Variants in BCL11A observed in about 807,000 individuals in gnomAD.
The protein encoded by BCL11A is B cell CLL/lymphoma 11A.
In BCL11A, 2 loss-of-function variants were observed where a neutral mutation model predicts 55.9. The observed-to-expected ratio is 0.04, with a 90% CI of 0.01 to 0.11. The LOEUF is 0.11. Among genes scored for constraint, BCL11A ranks in the 10% least tolerant of loss-of-function variants. The probability of loss-of-function intolerance (pLI) is 1.00; values close to 1 mark genes in which losing one functional copy is unlikely to be tolerated. For missense variants in BCL11A, 817 were observed against 1,137.1 expected (o/e 0.72, Z 4.05); for synonymous variants, 465 against 473.4 (o/e 0.98, Z 0.23).
intron 2 of BCL11A, among the ~76,000 whole-genome samples, chr2:60,518,120 TG>T (rs1668816266): frequency 6.6e-6 from 1 of 152,232 alleles, no homozygotes; most frequent in South Asian, 2.1e-4. Context: ...AGCAAAACCC[TG>T]TCTCTACAAA....
At chr2:60,539,055 A>T (rs1436300897) in intron 2 of BCL11A, among the ~76,000 whole-genome samples, 1 of 152,176 alleles carries the variant, frequency 6.6e-6, no homozygotes, top group African/African-American at 2.4e-5. Flanking sequence ...TTCGCTATAG[A>T]TCAAAGGAGA....
intron 2 of BCL11A, among the ~76,000 whole-genome samples, chr2:60,489,848 G>A (rs71526489): frequency 7.2e-5 from 11 of 152,168 alleles, no homozygotes; most frequent in Non-Finnish European, 1.3e-4. Context: ...CTATTAAAGA[G>A]AGATCACAGG....
At chr2:60,516,688 T>G (rs1186198194) in intron 2 of BCL11A, among the ~76,000 whole-genome samples, 2 of 152,168 alleles carry the variant, frequency 1.3e-5, no homozygotes. Flanking sequence ...TTAACTGCCC[T>G]CAAAGATGGC....
chr2:60,469,637 G>T (rs558607000), intron 2 of BCL11A, among the ~76,000 whole-genome samples: 11 of 152,354 alleles, frequency 7.2e-5, no homozygotes, highest in African/African-American at 9.6e-5. Flanking sequence ...CTCTGGTGAA[G>T]ACAAGTGACT....
intron 2 of BCL11A, among the ~76,000 whole-genome samples, chr2:60,499,355 A>T (rs1423525130): frequency 6.6e-6 from 1 of 152,174 alleles, no homozygotes; most frequent in Non-Finnish European, 1.5e-5. Context: ...ATCGTGCCTT[A>T]TTCCTTCAGG....
At chr2:60,525,286 T>G (rs566507930) in intron 2 of BCL11A, 37 of 152,340 alleles carry the variant, frequency 2.4e-4, no homozygotes, top group African/African-American at 8.9e-4. Flanking sequence ...AAAATACACA[T>G]TACATTCTTT....
At chr2:60,495,532 A>C (rs565335962) in intron 2 of BCL11A, among the ~76,000 whole-genome samples, 1 of 152,366 alleles carries the variant, frequency 6.6e-6, no homozygotes, top group East Asian at 1.9e-4. Flanking sequence ...CCCAAGGTCC[A>C]TCAGTACCTC....
chr2:60,545,028 T>G (rs953707819), intron 2 of BCL11A: 2 of 152,226 alleles, frequency 1.3e-5, no homozygotes, highest in African/African-American at 4.8e-5. Context: ...AATACGTGTG[T>G]GTATTTTTCC....
At chr2:60,474,861 C>A (rs1677432946) in intron 2 of BCL11A, among the ~76,000 whole-genome samples, 1 of 152,186 alleles carries the variant, frequency 6.6e-6, no homozygotes, top group Admixed American at 6.5e-5. Flanking sequence ...CAGCAGGCTT[C>A]ATTTAGTAGA....
chr2:60,540,620 T>C (rs1669875834), intron 2 of BCL11A, among the ~76,000 whole-genome samples: 1 of 152,208 alleles, frequency 6.6e-6, no homozygotes, highest in African/African-American at 2.4e-5. Context: ...GATTTGCATG[T>C]TTTTTATGTA....
chr2:60,546,461 A>T lies in BCL11A; in HGVS notation c.56-161T>A. ...ATGTGAGCATACAAAAAGTACAAGGATGTGAAGGTTATCAACCAGAGAGCA... is the reference window on the plus strand; with the variant it reads ...ATGTGAGCATACAAAAAGTACAAGGTTGTGAAGGTTATCAACCAGAGAGCA... On this transcript the variant is annotated intron_variant, in intron 1 of 3. Transcript: ENST00000642384. This position sits in a 1 kb window ranked among gnomAD's most constrained non-coding sequence, Gnocchi z 4.1. 1 of 658,304 alleles carries T rather than the reference A, an allele frequency of 1.5e-6. No homozygotes were observed. Among genetic ancestry groups the T allele is most frequent in the South Asian group, 2.0e-5 (1 of 49,810 alleles). The allele number at this position is 658,304 out of a possible 1,614,324, so 40.8% of individuals were successfully genotyped here. A position where few individuals can be genotyped will look rare whatever the true frequency, so the allele number is the denominator to read the frequency against.
At chr2:60,532,537 A>G (rs1669505691) in intron 2 of BCL11A, among the ~76,000 whole-genome samples, 1 of 151,588 alleles carries the variant, frequency 6.6e-6, no homozygotes, top group African/African-American at 2.4e-5. Flanking sequence ...TGGTTTACTG[A>G]TTTACAGAAC....
At chr2:60,452,540 C>T (rs369693637), downstream of BCL11A, 4 of 1,546,686 alleles carry the variant, frequency 2.6e-6, no homozygotes, top group Non-Finnish European at 3.6e-6. Flanking sequence ...CTGGGCGGCA[C>T]GCGTCCACCC....
downstream of BCL11A, among the ~76,000 whole-genome samples, chr2:60,454,439 C>G (rs1675856030): frequency 6.6e-6 from 1 of 151,666 alleles, no homozygotes; most frequent in African/African-American, 2.4e-5. Context: ...AAAGTTCCCA[C>G]AATTTTTTTT....
intron 2 of BCL11A, chr2:60,527,749 A>T (rs896498569): frequency 6.6e-6 from 1 of 152,248 alleles, no homozygotes; most frequent in Non-Finnish European, 1.5e-5. Context: ...GCGCTTCTCA[A>T]CTACCAAATG....
chr2:60,539,230 T>A (rs1669809818), intron 2 of BCL11A, among the ~76,000 whole-genome samples: 1 of 152,230 alleles, frequency 6.6e-6, no homozygotes, highest in African/African-American at 2.4e-5. Flanking sequence ...CAGCTCCGCA[T>A]CTGACAGGGC....
At chr2:60,492,501 G>C (rs1279251521) in intron 2 of BCL11A, among the ~76,000 whole-genome samples, 5 of 152,064 alleles carry the variant, frequency 3.3e-5, no homozygotes, top group Admixed American at 3.3e-4. Context: ...GGAATTCTAG[G>C]AAAACAGATT....
chr2:60,461,097 G>C lies in BCL11A; in HGVS notation c.1815C>G (p.Arg605=). 6.2e-7 allele frequency: 1 copy of C among 1,602,946 alleles called. No homozygotes were observed. The highest frequency in any genetic ancestry group is 2.2e-5 in the East Asian group (1 of 44,706). The part of the protein sequence containing the change: ...DRIDDGTVNG[R]GCSPGESASG... ...AGGCCGACTCGCCCGGGGAGCAGCC[G>C]CGGCCATTAACAGTGCCATCGTCTA... The change falls in exon 4 of 4, where the codon CGC becomes CGG. Residue 605 remains arginine, a synonymous_variant. Transcript: ENST00000642384.
At chr2:60,501,438 G>A (rs948742367) in intron 2 of BCL11A, among the ~76,000 whole-genome samples, 27 of 151,212 alleles carry the variant, frequency 1.8e-4, no homozygotes, top group Admixed American at 1.8e-3. Context: ...TGGTTTGTAA[G>A]TTCTCTTTCG....
Sources: gnomAD v4.1 joint callset for allele counts (sites outside exome capture counted in the v4.1 genomes callset) on GRCh38, gnomAD v4.1.1 for gene constraint, Gnocchi (gnomAD v3.1) non-coding constraint, MANE v1.5 for transcripts, NCBI Gene and HGNC (gene_info 2026-07-23, HGNC 2026-07-21) for gene names.